RTL4: variants seen among roughly 807,000 people sequenced by gnomAD.
RTL4 encodes retrotransposon Gag like 4.
A neutral mutation model predicts 5.3 loss-of-function variants in RTL4; 4 were observed. The observed-to-expected ratio is 0.75, with a 90% CI of 0.37 to 1.72. RTL4 has a LOEUF of 1.72. RTL4 is among the 40% of genes most tolerant of loss of function. The pLI is 0.04. For synonymous variants in RTL4, 98 were observed against 87.3 expected, an observed-to-expected ratio of 1.12 and a Z score of -0.68; for missense variants, 260 against 227.1, an observed-to-expected ratio of 1.14 and a Z score of -0.93.
At chrX:112,184,146 G>A in the RTL4 span, among the ~76,000 whole-genome samples, 1 of 100,073 alleles carries the variant, frequency 1.0e-5, no homozygotes, top group Non-Finnish European at 2.0e-5. Context: ...GGTAGGAATT[G>A]AACAATGAGA....
At chrX:112,148,411 G>A in the RTL4 span, among the ~76,000 whole-genome samples, 1 of 110,887 alleles carries the variant, frequency 9.0e-6, no homozygotes, top group South Asian at 3.8e-4. Context: ...GCCTGCAAGG[G>A]AGAACACTGA....
the RTL4 span, among the ~76,000 whole-genome samples, chrX:112,259,064 T>G: frequency 9.0e-6 from 1 of 111,514 alleles, no homozygotes; most frequent in East Asian, 2.8e-4. Context: ...TTGAAATTAT[T>G]ATAGTTTGAT....
At chrX:112,333,935 C>T in the RTL4 span, among the ~76,000 whole-genome samples, 1 of 104,482 alleles carries the variant, frequency 9.6e-6, no homozygotes, top group African/African-American at 3.5e-5. Context: ...ATCCCCACCT[C>T]CCCCCACAAA....
chrX:112,249,324 C>T, the RTL4 span, among the ~76,000 whole-genome samples: 1 of 111,471 alleles, frequency 9.0e-6, no homozygotes, highest in Non-Finnish European at 1.9e-5. Context: ...CTTATTCTTC[C>T]ATCTGACCAT....
exon 1 of RTL4, chrX:112,455,482 C>A (rs765750745): frequency 7.4e-6 from 9 of 1,211,499 alleles, no homozygotes; most frequent in Non-Finnish European, 1.0e-5. Context: ...AGATCCACCA[C>A]CCAAGAAAGG....
the RTL4 span, among the ~76,000 whole-genome samples, chrX:112,358,738 A>C: frequency 5.4e-5 from 6 of 111,456 alleles, no homozygotes; most frequent in South Asian, 2.3e-3. Flanking sequence ...CACTCTCACT[A>C]TATTATTTAG....
the RTL4 span, among the ~76,000 whole-genome samples, chrX:112,410,922 A>T: frequency 8.9e-6 from 1 of 111,804 alleles, no homozygotes. Flanking sequence ...AACACAGAAG[A>T]TATACAAAAT....
the RTL4 span, among the ~76,000 whole-genome samples, chrX:112,184,762 T>C: frequency 8.9e-6 from 1 of 111,998 alleles, no homozygotes; most frequent in Non-Finnish European, 1.9e-5. Context: ...TCAGAGATCT[T>C]GGTAAGAAAA....
chrX:112,335,607 C>T, the RTL4 span, among the ~76,000 whole-genome samples: 4 of 110,371 alleles, frequency 3.6e-5, no homozygotes, highest in African/African-American at 1.3e-4. Flanking sequence ...ATAAAGTATT[C>T]TCATTTCCAT....
the RTL4 span, among the ~76,000 whole-genome samples, chrX:112,352,896 C>T: frequency 1.3e-4 from 14 of 111,479 alleles, no homozygotes; most frequent in Non-Finnish European, 2.6e-4. Context: ...GATCAGGGAA[C>T]CTACAAAATG....
the RTL4 span, among the ~76,000 whole-genome samples, chrX:112,186,581 ACAGTG>A: frequency 1.8e-5 from 2 of 112,077 alleles, no homozygotes; most frequent in Non-Finnish European, 3.8e-5. Context: ...CATTTGCCAA[ACAGTG>A]CATCAGTAAG....
the RTL4 span, among the ~76,000 whole-genome samples, chrX:112,138,490 G>C: frequency 9.0e-6 from 1 of 111,362 alleles, no homozygotes; most frequent in African/African-American, 3.3e-5. Flanking sequence ...TGTAATGATG[G>C]TTTCACTAGA....
chrX:112,276,396 T>A, the RTL4 span, among the ~76,000 whole-genome samples: 1 of 112,100 alleles, frequency 8.9e-6, no homozygotes, highest in Non-Finnish European at 1.9e-5. Flanking sequence ...CAGTTTACAT[T>A]GTCAAAAAGC....
chrX:112,228,473 A>T, the RTL4 span, among the ~76,000 whole-genome samples: 1 of 112,715 alleles, frequency 8.9e-6, no homozygotes, highest in Non-Finnish European at 1.9e-5. Context: ...TTATGTGTGA[A>T]ATGATTACCA....
the RTL4 span, among the ~76,000 whole-genome samples, chrX:112,206,563 G>A: frequency 5.4e-5 from 6 of 111,085 alleles, no homozygotes; most frequent in Non-Finnish European, 1.1e-4. Flanking sequence ...CTGCTCCTTT[G>A]TTATCTCCCC....
the RTL4 span, among the ~76,000 whole-genome samples, chrX:112,196,318 A>C: frequency 9.0e-6 from 1 of 111,483 alleles, no homozygotes; most frequent in African/African-American, 3.3e-5. Flanking sequence ...TTAATAGTTT[A>C]TTCCTTCTTA....
chrX:112,232,126 A>G, the RTL4 span, among the ~76,000 whole-genome samples: 1 of 111,719 alleles, frequency 9.0e-6, no homozygotes, highest in Non-Finnish European at 1.9e-5. Context: ...TCTTAGGTTA[A>G]GATACAGGAG....
At chrX:112,327,044 C>T in the RTL4 span, among the ~76,000 whole-genome samples, 2 of 111,938 alleles carry the variant, frequency 1.8e-5, no homozygotes, top group African/African-American at 6.5e-5. Flanking sequence ...GATAAAACCA[C>T]AAAGATGGGG....
the RTL4 span, among the ~76,000 whole-genome samples, chrX:112,252,465 G>C: frequency 8.9e-6 from 1 of 112,190 alleles, no homozygotes; most frequent in African/African-American, 3.2e-5. Context: ...ATGAGAGAGA[G>C]ACAGAGATTG....
Sources: gnomAD v4.1 joint callset for allele counts (sites outside exome capture counted in the v4.1 genomes callset) on GRCh38, gnomAD v4.1.1 for gene constraint, MANE v1.5 for transcripts, NCBI Gene and HGNC (gene_info 2026-07-23, HGNC 2026-07-21) for gene names.